Variants in SLC44A3 observed in about 807,000 individuals in gnomAD.
SLC44A3 encodes solute carrier family 44 member 3, also known as choline transporter-like protein 3.
A neutral mutation model predicts 75.4 loss-of-function variants in SLC44A3; 74 were observed. The ratio of observed to expected loss-of-function variants is 0.98; its 90% CI spans 0.81 to 1.19. The LOEUF (loss-of-function observed/expected upper bound fraction) is 1.19, where lower values mean the gene tolerates loss of function less well. SLC44A3 is among the 50% of genes most tolerant of loss of function. The pLI is 0.00. For missense variants in SLC44A3, 700 were observed against 778.6 expected (o/e 0.90, Z 1.20); for synonymous variants, 310 against 296.9 (o/e 1.04, Z -0.45).
In SLC44A3 at chr1:94,849,376, G is replaced by C. The variant is rs544192765; in HGVS notation, c.1072+3912G>C. ...CCCTTCCCCACCCCGCTGGGGTCAGGCATCATAGAAACCAAATCACCCGTC... is the reference window on the plus strand; with the variant it reads ...CCCTTCCCCACCCCGCTGGGGTCAGCCATCATAGAAACCAAATCACCCGTC... On this transcript the variant is annotated intron_variant, in intron 9 of 14. Transcript: ENST00000271227. Among the ~76,000 whole-genome samples the C allele has an allele frequency of 9.2e-5, 14 of 152,224 alleles. No individual in the cohort carries two copies. In the East Asian group the frequency reaches 2.7e-3, roughly 29 times the overall value.
chr1:94,875,371 C>T (rs771560806), intron 12 of SLC44A3, among the ~76,000 whole-genome samples: 25 of 152,194 alleles, frequency 1.6e-4, no homozygotes, highest in Non-Finnish European at 2.5e-4. Context: ...AAGCCCAGAA[C>T]TTTAGAGATC....
At chr1:94,878,302 G>A (rs1668552248) in intron 12 of SLC44A3, among the ~76,000 whole-genome samples, 1 of 151,752 alleles carries the variant, frequency 6.6e-6, no homozygotes, top group Admixed American at 6.6e-5. Context: ...CAAAGAATGC[G>A]AGGCTCCTGA....
chr1:94,881,307 C>T (rs1668941326), intron 12 of SLC44A3, among the ~76,000 whole-genome samples: 1 of 152,180 alleles, frequency 6.6e-6, no homozygotes, highest in Non-Finnish European at 1.5e-5. Flanking sequence ...CTCCCCAAAA[C>T]ATGCAACACA....
intron 9 of SLC44A3, 68 bp from the exon 10 acceptor site, chr1:94,857,267 G>T: frequency 6.9e-7 from 1 of 1,440,288 alleles, no homozygotes; most frequent in South Asian, 1.5e-5. Flanking sequence ...AAGAAACATG[G>T]CTTGTTGAAC....
At chr1:94,878,421 G>A (rs1668566216) in intron 12 of SLC44A3, among the ~76,000 whole-genome samples, 1 of 152,120 alleles carries the variant, frequency 6.6e-6, no homozygotes, top group South Asian at 2.1e-4. Context: ...AACGCCCTCA[G>A]TATCAGCCCC....
At chr1:94,839,684 C>T (rs1168406690) in intron 6 of SLC44A3, among the ~76,000 whole-genome samples, 3 of 152,136 alleles carry the variant, frequency 2.0e-5, no homozygotes, top group African/African-American at 7.2e-5. Flanking sequence ...GCACCATGCC[C>T]GGCCAAATTT....
intron 10 of SLC44A3, 140 bp from the exon 11 acceptor site, chr1:94,864,603 C>A: frequency 2.8e-6 from 2 of 714,396 alleles, no homozygotes; most frequent in Non-Finnish European, 2.2e-6. Context: ...CCGAAGCTAC[C>A]AAGGAGTATA....
chr1:94,855,091 T>C (rs190442465), intron 9 of SLC44A3, among the ~76,000 whole-genome samples: 2 of 152,298 alleles, frequency 1.3e-5, no homozygotes, highest in African/African-American at 4.8e-5. Flanking sequence ...TGCCAAATAA[T>C]GTCTAAGCGG....
At chr1:94,841,779 A>G (rs1395150903) in intron 7 of SLC44A3, among the ~76,000 whole-genome samples, 5 of 152,200 alleles carry the variant, frequency 3.3e-5, no homozygotes, top group Non-Finnish European at 5.9e-5. Flanking sequence ...CAAAACAAGC[A>G]TCATCCCAGA....
intron 11 of SLC44A3, among the ~76,000 whole-genome samples, chr1:94,865,871 A>G (rs1357089576): frequency 1.3e-5 from 2 of 152,232 alleles, no homozygotes; most frequent in East Asian, 1.9e-4. Flanking sequence ...TGAATTGTTG[A>G]TATTTTAAAA....
intron 1 of SLC44A3, chr1:94,820,723 G>A: frequency 1.4e-6 from 2 of 1,395,434 alleles, no homozygotes; most frequent in Non-Finnish European, 9.3e-7. Context: ...TGCACCTCCA[G>A]GTAAGCACTT....
At chr1:94,833,992 G>A (rs141132508) in intron 5 of SLC44A3, among the ~76,000 whole-genome samples, 76 of 152,332 alleles carry the variant, frequency 5.0e-4, no homozygotes, top group African/African-American at 1.8e-3. Flanking sequence ...AAAAGGAACT[G>A]TATACAAACA....
chr1:94,837,597 C>A, intron 5 of SLC44A3, 114 bp from the exon 6 acceptor site: 1 of 1,022,412 alleles, frequency 9.8e-7, no homozygotes, highest in Non-Finnish European at 1.3e-6. Context: ...TGCTAGACGC[C>A]TCTCTATTAC....
At chr1:94,870,125 A>T (rs1667596544) in intron 12 of SLC44A3, among the ~76,000 whole-genome samples, 1 of 152,260 alleles carries the variant, frequency 6.6e-6, no homozygotes. Flanking sequence ...TGAAACTCTC[A>T]GTCTCATAAT....
chr1:94,870,117 A>G (rs899886821), intron 12 of SLC44A3, among the ~76,000 whole-genome samples: 5 of 152,252 alleles, frequency 3.3e-5, no homozygotes, highest in Non-Finnish European at 5.9e-5. Context: ...GTGGGGAATG[A>G]AACTCTCAGT....
rs201020318 is a variant in SLC44A3 at position 94,841,951 on chromosome 1, G to T, written c.761-49G>T. 2,095 of 1,557,740 alleles carry T rather than the reference G, an allele frequency of 1.3e-3. 5 individuals carry two copies. Among genetic ancestry groups the T allele is most frequent in the Non-Finnish European group, 1.4e-3 (1,622 of 1,154,746 alleles). ...GTGTGATTCTGTGTGCTGGGGAAAG[G>T]TTACCTCATGGCGTGTGCCCTGAGC... On this transcript the variant is annotated intron_variant, in intron 7 of 14. Transcript: ENST00000271227.
chr1:94,847,158 A>G (rs1571260088), intron 9 of SLC44A3, among the ~76,000 whole-genome samples: 2 of 152,254 alleles, frequency 1.3e-5, no homozygotes, highest in African/African-American at 2.4e-5. Context: ...ACTCAAAACA[A>G]CAGTGGCTAA....
intron 9 of SLC44A3, among the ~76,000 whole-genome samples, chr1:94,849,464 T>C (rs1664913761): frequency 6.6e-6 from 1 of 152,140 alleles, no homozygotes; most frequent in Admixed American, 6.5e-5. Context: ...CTCAGAGGCC[T>C]TTTCACCAGT....
chr1:94,827,617 A>G lies in SLC44A3; in HGVS notation c.389A>G (p.Glu130Gly). Residue 130 changes from glutamate to glycine, a missense_variant, in exon 4 of 15, where the codon GAG (glutamate) becomes GGG (glycine). Transcript: ENST00000271227. ...CPEEQLDSLEEVQFFANTSGS... is the reference protein window; with the variant it reads ...CPEEQLDSLEGVQFFANTSGS... ...GAAGAGCAGCTTGACTCCCTGGAAG[A>G]GGTCCAGTTCTTTGCAAACACCAGT... 2 of 1,614,170 alleles carry G rather than the reference A, an allele frequency of 1.2e-6. No individual in the cohort carries two copies. The highest frequency in any genetic ancestry group is 1.7e-6 in the Non-Finnish European group (2 of 1,180,010).
Sources: gnomAD v4.1 joint callset for allele counts (sites outside exome capture counted in the v4.1 genomes callset) on GRCh38, gnomAD v4.1.1 for gene constraint, MANE v1.5 for transcripts, NCBI Gene and HGNC (gene_info 2026-07-23, HGNC 2026-07-21) for gene names.